The following CHL1 variants were observed in gnomAD, a reference collection of about 807,000 sequenced individuals.
The protein encoded by CHL1 is cell adhesion molecule L1 like, also known as neural cell adhesion molecule L1-like protein.
Under a neutral mutation model 141.9 loss-of-function variants are expected in CHL1, and 96 were observed. The ratio of observed to expected loss-of-function variants is 0.68; its 90% CI spans 0.57 to 0.80. The LOEUF is 0.80. Among genes scored for constraint, CHL1 ranks in the 30% least tolerant of loss-of-function variants. CHL1 has a pLI of 0.00. For synonymous variants in CHL1, 613 were observed against 502.2 expected, an observed-to-expected ratio of 1.22 and a Z score of -2.95; for missense variants, 1,820 against 1,457.2, an observed-to-expected ratio of 1.25 and a Z score of -4.05.
chr3:357,812 G>C (rs552977815), intron 11 of CHL1, among the ~76,000 whole-genome samples: 1 of 152,230 alleles, frequency 6.6e-6, no homozygotes, highest in African/African-American at 2.4e-5. Context: ...TCTTACTTTT[G>C]TAATGCAGTG....
At chr3:221,121 C>T (rs1416537333) in intron 1 of CHL1, among the ~76,000 whole-genome samples, 1 of 152,180 alleles carries the variant, frequency 6.6e-6, no homozygotes, top group African/African-American at 2.4e-5. Context: ...TCTCACCTTT[C>T]CAGAATGAAC....
rs371563048 is a variant in CHL1, at chr3:398,339, C to T, written c.3207C>T (p.Gly1069=). The T allele has an allele frequency of 1.8e-5, 29 of 1,605,662 alleles. No homozygotes were observed. The highest frequency in any genetic ancestry group is 2.3e-5 in the Non-Finnish European group (27 of 1,172,722). The change falls in exon 25 of 28, where the codon GGC becomes GGT. Residue 1069 remains glycine (G), a synonymous_variant. Transcript: ENST00000256509. ...HIVRLMTKNW[G]DNDSIFQDVI... ...TTCGCCTAATGACTAAGAATTGGGG[C>T]GATAATGATAGCATTTTTCAAGATG...
In CHL1 at chr3:241,708, AC is replaced by A. The variant is rs150985895; in HGVS notation, c.-174-2902del. Among the ~76,000 whole-genome samples, 703 of 152,036 alleles carry A rather than the reference AC, an allele frequency of 4.6e-3. 11 individuals carry two copies. The highest frequency in any genetic ancestry group is 0.028 in the East Asian group (145 of 5,176). On this transcript the variant is annotated intron_variant, in intron 1 of 27. Coordinates refer to ENST00000256509, the MANE Select transcript of CHL1 (RefSeq NM_006614.4). ...GTTACAAAGCACACAACCAATAAGG[AC>A]CCAAATGTTGTTTCGCCTTAAATTA...
In CHL1 at chr3:407,339, C is replaced by T. The variant is rs1175122447; in HGVS notation, c.*1628C>T. On this transcript the variant is annotated 3_prime_UTR_variant, in exon 28 of 28. Coordinates refer to ENST00000256509, the MANE Select transcript of CHL1 (RefSeq NM_006614.4). ...AATTTGGGGTATTTATAATAGTCAG[C>T]GCAGGAATGCACATGGAATATCTAC... 2.6e-5 allele frequency: 4 copies of T among 152,166 alleles called. No individual in the cohort carries two copies. Among genetic ancestry groups the T allele is most frequent in the East Asian group, 3.9e-4 (2 of 5,174 alleles). 9.4% of individuals were successfully genotyped at this position (152,166 alleles called of 1,614,324 possible).
intron 4 of CHL1, among the ~76,000 whole-genome samples, chr3:327,198 T>TA (rs1483212018): frequency 1.4e-4 from 21 of 152,096 alleles, no homozygotes; most frequent in African/African-American, 5.1e-4. Context: ...ATTGAAGGTT[T>TA]GTTATTCCTG....
At chr3:227,620 C>T (rs1701473373) in intron 1 of CHL1, among the ~76,000 whole-genome samples, 2 of 152,224 alleles carry the variant, frequency 1.3e-5, no homozygotes, top group South Asian at 2.1e-4. Context: ...ACAGATGCTA[C>T]AGATTTAATG....
intron 2 of CHL1, among the ~76,000 whole-genome samples, chr3:264,033 C>T (rs1280499745): frequency 6.6e-6 from 1 of 152,154 alleles, no homozygotes; most frequent in Non-Finnish European, 1.5e-5. Flanking sequence ...TGCAGAAATG[C>T]CTTGGAGTTT....
chr3:321,225 C>T (rs550415859), intron 3 of CHL1, among the ~76,000 whole-genome samples: 59 of 152,058 alleles, frequency 3.9e-4, no homozygotes, highest in African/African-American at 1.4e-3. Context: ...GTAGAAATCC[C>T]TTCTCTATTA....
chr3:260,133 G>A (rs1430792725), intron 2 of CHL1, among the ~76,000 whole-genome samples: 5 of 152,032 alleles, frequency 3.3e-5, no homozygotes, highest in East Asian at 1.9e-4. Context: ...GTGTGGTGGC[G>A]CGGACCTGTA....
At chr3:293,876 C>G (rs940553067) in intron 2 of CHL1, among the ~76,000 whole-genome samples, 79 of 151,580 alleles carry the variant, frequency 5.2e-4, no homozygotes, top group African/African-American at 1.8e-3. Context: ...ATTCTCCTGC[C>G]TCAGCCTCCT....
intron 15 of CHL1, among the ~76,000 whole-genome samples, chr3:371,647 C>T (rs529914337): frequency 6.6e-6 from 1 of 152,258 alleles, no homozygotes; most frequent in East Asian, 1.9e-4. Context: ...ATCCTGTCAT[C>T]ATGATGCTGT....
At chr3:346,881 A>C (rs929534048) in intron 9 of CHL1, among the ~76,000 whole-genome samples, 1 of 152,116 alleles carries the variant, frequency 6.6e-6, no homozygotes, top group African/African-American at 2.4e-5. Context: ...TGTGTCAAGC[A>C]CTATATTTGG....
chr3:265,083 A>G (rs1433496878), intron 2 of CHL1, among the ~76,000 whole-genome samples: 3 of 152,232 alleles, frequency 2.0e-5, no homozygotes, highest in Non-Finnish European at 2.9e-5. Flanking sequence ...TACTAGGCTT[A>G]TTGGCCGTGT....
chr3:321,373 T>C (rs1355964663), intron 3 of CHL1, among the ~76,000 whole-genome samples: 1 of 152,098 alleles, frequency 6.6e-6, no homozygotes, highest in East Asian at 1.9e-4. Context: ...GTATTAGATT[T>C]CTTCACTGAC....
At chr3:379,481 G>T (rs906151709) in intron 16 of CHL1, among the ~76,000 whole-genome samples, 6 of 152,076 alleles carry the variant, frequency 3.9e-5, no homozygotes, top group African/African-American at 1.4e-4. Context: ...TCGAGCTTCA[G>T]ATAAACTGGA....
intron 1 of CHL1, among the ~76,000 whole-genome samples, chr3:220,948 C>T (rs764938274): frequency 6.6e-6 from 1 of 152,192 alleles, no homozygotes; most frequent in East Asian, 1.9e-4. Flanking sequence ...CTGGAGGCCT[C>T]ATCTGGATAG....
chr3:358,944 C>T lies in CHL1; in HGVS notation c.1166-1340C>T, dbSNP rs182268716. The stretch of plus-strand genomic sequence containing the variant: ...ATTTCCAGCTAACATGTTTTCCTTC[C>T]CACTGGATTTATATATATAAAATAT... On this transcript the variant is annotated intron_variant, in intron 11 of 27. Coordinates refer to ENST00000256509, the MANE Select transcript of CHL1 (RefSeq NM_006614.4). 5.2e-4 allele frequency among the ~76,000 whole-genome samples: 76 copies of T among 146,644 alleles called. 1 individual carries two copies. In the East Asian group the frequency reaches 0.014, roughly 27 times the overall value.
In CHL1 at chr3:349,548, C is replaced by G. The variant is rs746255581; in HGVS notation, c.1033+5C>G. On this transcript the variant is annotated splice_donor_5th_base_variant and intron_variant, in intron 10 of 27. Coordinates refer to ENST00000256509, the MANE Select transcript of CHL1 (RefSeq NM_006614.4). Reference sequence around the variant, plus strand: ...ATTTTCACGTTATAGTAGAAGGTACCTTTCCCATGTTGGTCTATTTCTCTG... The same window carrying G: ...ATTTTCACGTTATAGTAGAAGGTACGTTTCCCATGTTGGTCTATTTCTCTG... The G allele has an allele frequency of 1.9e-6, 3 of 1,608,856 alleles. No homozygotes were observed. The highest frequency in any genetic ancestry group is 1.7e-6 in the Non-Finnish European group (2 of 1,177,712).
intron 16 of CHL1, among the ~76,000 whole-genome samples, chr3:378,580 A>G (rs549305482): frequency 6.6e-6 from 1 of 152,206 alleles, no homozygotes; most frequent in South Asian, 2.1e-4. Context: ...TTCCAGATTC[A>G]CTCTCTACCA....
Sources: allele counts gnomAD v4.1 joint callset (sites outside exome capture counted in the v4.1 genomes callset), GRCh38; gene constraint gnomAD v4.1.1; transcripts MANE v1.5; gene names NCBI Gene and HGNC (gene_info 2026-07-23, HGNC 2026-07-21).